SYNPR: variants seen among roughly 807,000 people sequenced by gnomAD.
The protein encoded by SYNPR is synaptoporin.
In SYNPR, 23 loss-of-function variants were observed where a neutral mutation model predicts 32.9. That is an observed-to-expected ratio of 0.70 (90% confidence interval 0.50 to 0.99). The LOEUF (loss-of-function observed/expected upper bound fraction) is 0.99, where lower values mean the gene tolerates loss of function less well. Among genes scored for constraint, SYNPR ranks in the 50% least tolerant of loss-of-function variants. SYNPR has a pLI of 0.00. For missense variants in SYNPR, 318 were observed against 349.3 expected, an observed-to-expected ratio of 0.91 and a Z score of 0.71; for synonymous variants, 146 against 135.9, an observed-to-expected ratio of 1.07 and a Z score of -0.52.
chr3:63,218,497 A>G, the SYNPR span, among the ~76,000 whole-genome samples: 4 of 152,192 alleles, frequency 2.6e-5, no homozygotes, highest in African/African-American at 7.2e-5. Context: ...ATTTTATAGG[A>G]GAGAGTTAGA....
chr3:63,373,731 C>T (rs2087848616), intron 2 of SYNPR, among the ~76,000 whole-genome samples: 1 of 152,096 alleles, frequency 6.6e-6, no homozygotes, highest in African/African-American at 2.4e-5. Flanking sequence ...CAGAGAACCC[C>T]TGCAAGATAC....
intron 3 of SYNPR, among the ~76,000 whole-genome samples, chr3:63,539,401 T>C (rs1307779149): frequency 2.0e-5 from 3 of 152,098 alleles, no homozygotes; most frequent in Non-Finnish European, 4.4e-5. Flanking sequence ...CTAACAGGAA[T>C]GCAAATAGAA....
At chr3:63,209,895 G>A in the SYNPR span, among the ~76,000 whole-genome samples, 1 of 152,148 alleles carries the variant, frequency 6.6e-6, no homozygotes, top group Non-Finnish European at 1.5e-5. Context: ...GAAGGTGTTG[G>A]TCTTGCTCAG....
At chr3:63,315,161 G>A (rs1443171192) in intron 2 of SYNPR, among the ~76,000 whole-genome samples, 1 of 151,898 alleles carries the variant, frequency 6.6e-6, no homozygotes, top group African/African-American at 2.4e-5. Context: ...TTTGAAATCA[G>A]GTAGCGTGAT....
the SYNPR span, among the ~76,000 whole-genome samples, chr3:63,211,708 CTTTT>C: frequency 6.8e-6 from 1 of 146,880 alleles, no homozygotes; most frequent in Non-Finnish European, 1.5e-5. Flanking sequence ...TTGAATCTTT[CTTTT>C]TTTTTTTTTA....
At chr3:63,460,013 G>T (rs1009337762) in intron 2 of SYNPR, among the ~76,000 whole-genome samples, 2 of 152,010 alleles carry the variant, frequency 1.3e-5, no homozygotes, top group Admixed American at 1.3e-4. Flanking sequence ...TCAGATGACT[G>T]CAACATCCCA....
intron 3 of SYNPR, among the ~76,000 whole-genome samples, chr3:63,491,178 A>G (rs906033514): frequency 3.3e-5 from 5 of 152,184 alleles, no homozygotes; most frequent in Non-Finnish European, 7.3e-5. Context: ...CCAGAAAGCA[A>G]TAAGAAATTT....
chr3:63,442,801 T>A (rs905360118), intron 2 of SYNPR, among the ~76,000 whole-genome samples: 2 of 152,188 alleles, frequency 1.3e-5, no homozygotes, highest in Non-Finnish European at 2.9e-5. Context: ...ATGGACAGTG[T>A]ACGAGTTTCC....
chr3:63,202,887 T>A, the SYNPR span, among the ~76,000 whole-genome samples: 1 of 151,908 alleles, frequency 6.6e-6, no homozygotes, highest in East Asian at 1.9e-4. Context: ...GAACTTGGGT[T>A]TCTTGGAACA....
the SYNPR span, among the ~76,000 whole-genome samples, chr3:63,219,730 T>C: frequency 3.3e-5 from 5 of 152,212 alleles, no homozygotes; most frequent in Admixed American, 6.5e-5. Flanking sequence ...TTACTATTCA[T>C]TAAGTGAAAG....
At chr3:63,499,019 T>G (rs978486029) in intron 3 of SYNPR, among the ~76,000 whole-genome samples, 10 of 150,894 alleles carry the variant, frequency 6.6e-5, no homozygotes, top group African/African-American at 2.4e-4. Flanking sequence ...ATTTACATAT[T>G]TTAATAATTA....
At chr3:63,313,614 A>G (rs1409035328) in intron 2 of SYNPR, among the ~76,000 whole-genome samples, 8 of 143,744 alleles carry the variant, frequency 5.6e-5, no homozygotes, top group Non-Finnish European at 1.2e-4. Flanking sequence ...GTGTGTATAC[A>G]CACACATATA....
chr3:63,373,530 G>T (rs1412455140), intron 2 of SYNPR, among the ~76,000 whole-genome samples: 1 of 151,924 alleles, frequency 6.6e-6, no homozygotes, highest in African/African-American at 2.4e-5. Context: ...GAAAAATAAA[G>T]AAAAAATAAT....
chr3:63,458,165 C>T (rs1184202814), intron 2 of SYNPR, among the ~76,000 whole-genome samples: 1 of 152,050 alleles, frequency 6.6e-6, no homozygotes, highest in Non-Finnish European at 1.5e-5. Context: ...ATTAATTCCT[C>T]CTTGAATTTA....
chr3:63,593,908 T>A (rs1369078498), intron 4 of SYNPR, among the ~76,000 whole-genome samples: 1 of 152,078 alleles, frequency 6.6e-6, no homozygotes, highest in South Asian at 2.1e-4. Context: ...TCTCTTCCAT[T>A]TTTAGAACAG....
intron 2 of SYNPR, among the ~76,000 whole-genome samples, chr3:63,476,030 AG>A (rs1242292863): frequency 1.4e-5 from 2 of 145,346 alleles, no homozygotes; most frequent in Admixed American, 6.8e-5. Flanking sequence ...AGTGGAAGAA[AG>A]GTAGGGAGGA....
At chr3:63,228,940 C>A (rs1487378939) in intron 1 of SYNPR, among the ~76,000 whole-genome samples, 1 of 148,010 alleles carries the variant, frequency 6.8e-6, no homozygotes, top group African/African-American at 2.6e-5. Context: ...CCAAAACAAA[C>A]AAACAAACAA....
chr3:63,587,974 C>A (rs1703220925), intron 4 of SYNPR, among the ~76,000 whole-genome samples: 1 of 152,026 alleles, frequency 6.6e-6, no homozygotes, highest in African/African-American at 2.4e-5. Context: ...GAACATAATC[C>A]ATTTTCAAAT....
chr3:63,291,972 T>C (rs942914389), intron 2 of SYNPR, among the ~76,000 whole-genome samples: 9 of 152,194 alleles, frequency 5.9e-5, no homozygotes, highest in African/African-American at 2.2e-4. Context: ...CTAAATGGGA[T>C]AGCCTACTAC....
Sources: gnomAD v4.1 joint callset for allele counts (sites outside exome capture counted in the v4.1 genomes callset) on GRCh38, gnomAD v4.1.1 for gene constraint, MANE v1.5 for transcripts, NCBI Gene and HGNC (gene_info 2026-07-23, HGNC 2026-07-21) for gene names.